The following ADAM12 variants were observed in gnomAD, a reference collection of about 807,000 sequenced individuals.
The protein encoded by ADAM12 is disintegrin and metalloproteinase domain-containing protein 12.
A neutral mutation model predicts 106.4 loss-of-function variants in ADAM12; 70 were observed. The ratio of observed to expected loss-of-function variants is 0.66; its 90% CI spans 0.54 to 0.80. The LOEUF (loss-of-function observed/expected upper bound fraction) is 0.80. ADAM12 is among the 30% of genes least tolerant of loss of function. ADAM12 has a pLI of 0.00. For missense variants in ADAM12, 1,010 were observed against 1,171.9 expected, an observed-to-expected ratio of 0.86 and a Z score of 2.02; for synonymous variants, 420 against 433.5, an observed-to-expected ratio of 0.97 and a Z score of 0.39.
chr10:126,143,894 G>C (rs1314116784), intron 4 of ADAM12, among the ~76,000 whole-genome samples: 2 of 152,128 alleles, frequency 1.3e-5, no homozygotes, highest in African/African-American at 4.8e-5. Context: ...ACTAAAACAA[G>C]GTGACAATGC....
intron 3 of ADAM12, among the ~76,000 whole-genome samples, chr10:126,251,534 T>TGG (rs1958751019): frequency 7.5e-4 from 24 of 31,846 alleles, no homozygotes; most frequent in African/African-American, 1.2e-3. Context: ...ACAGGATGGA[T>TGG]AGATGGATGG....
At chr10:126,116,902 G>A in intron 6 of ADAM12, among the ~76,000 whole-genome samples, 1 of 152,120 alleles carries the variant, frequency 6.6e-6, no homozygotes, top group Non-Finnish European at 1.5e-5. Flanking sequence ...AAATGATTTA[G>A]AATGAACCAA....
In ADAM12 at chr10:126,016,525, A is replaced by G. The variant is rs553107007; in HGVS notation, c.*754T>C. 1.3e-5 allele frequency: 2 copies of G among 152,334 alleles called. No individual in the cohort carries two copies. The highest frequency in any genetic ancestry group is 4.8e-5 in the African/African-American group (2 of 41,574). 9.4% of individuals were successfully genotyped at this position (152,334 alleles called of 1,614,324 possible). ...AGAAAAAGAAGTGCTTGGCATTTCT[A>G]TCAAGCACCGCCTTGAGTGACACTA... On this transcript the variant is annotated 3_prime_UTR_variant, in exon 23 of 23. Transcript: ENST00000448723.
At chr10:126,063,241 A>G (rs181575229) in intron 14 of ADAM12, among the ~76,000 whole-genome samples, 5 of 152,330 alleles carry the variant, frequency 3.3e-5, no homozygotes, top group Non-Finnish European at 5.9e-5. Context: ...GCCGAGCTAA[A>G]GAGGCCTGCG....
rs555349806 is a variant in ADAM12, at chr10:126,252,123, TG to T, written c.260+26791del. Among the ~76,000 whole-genome samples the T allele has an allele frequency of 1.4e-4, 21 of 148,814 alleles. No individual in the cohort carries two copies. The East Asian group carries it at 3.8e-3, about 27-fold the overall frequency. On this transcript the variant is annotated intron_variant, in intron 3 of 22. Transcript: ENST00000448723. ...GGATTGGATGGATGGATGGGATGGA[TG>T]GATGGATGGACAGGATGGATGGGTG... is the stretch of plus-strand genomic sequence containing the variant.
intron 3 of ADAM12, among the ~76,000 whole-genome samples, chr10:126,256,087 G>A (rs1958887103): frequency 6.6e-6 from 1 of 152,034 alleles, no homozygotes; most frequent in Non-Finnish European, 1.5e-5. Context: ...AGATCACCTG[G>A]GACACTTAAG....
chr10:126,086,651 CAAAAAAAAAAAAA>C (rs1171936921), intron 11 of ADAM12, among the ~76,000 whole-genome samples: 2 of 16,932 alleles, frequency 1.2e-4, no homozygotes, highest in East Asian at 2.7e-3. Context: ...GACTCTGCCT[CAAAAAAAAAAAAA>C]AAAAAAAAAA....
chr10:126,358,317 CCT>C (rs1855620963), intron 1 of ADAM12, among the ~76,000 whole-genome samples: 1 of 152,070 alleles, frequency 6.6e-6, no homozygotes, highest in African/African-American at 2.4e-5. Flanking sequence ...GGGATTTATC[CCT>C]GAGATGGAAG....
At chr10:126,168,337 T>C (rs1345748825) in intron 3 of ADAM12, among the ~76,000 whole-genome samples, 3 of 152,230 alleles carry the variant, frequency 2.0e-5, no homozygotes, top group Admixed American at 1.3e-4. Context: ...AATCTCATTC[T>C]GCCATTTTCT....
rs983513059 is a variant in ADAM12, at chr10:126,330,562, G to A, written c.89-53C>T. The A allele has an allele frequency of 2.7e-5, 40 of 1,481,212 alleles. 1 individual carries two copies. The African/African-American group carries it at 4.5e-4, about 17-fold the overall frequency. 91.8% of individuals were successfully genotyped at this position (1,481,212 alleles called of 1,614,324 possible). ...TTTCACTCTAGTCAGGAAGAGTTTG[G>A]CATCAGAAGCTTATTACATAAATGA... On this transcript the variant is annotated intron_variant, in intron 1 of 22. Transcript: ENST00000448723.
chr10:126,191,785 A>G (rs910895446), intron 3 of ADAM12, among the ~76,000 whole-genome samples: 8 of 152,224 alleles, frequency 5.3e-5, no homozygotes, highest in African/African-American at 1.9e-4. Context: ...TAGCTCTATT[A>G]GTCCACTCTC....
intron 3 of ADAM12, among the ~76,000 whole-genome samples, chr10:126,277,113 G>GA (rs1057054039): frequency 7.9e-5 from 12 of 151,908 alleles, no homozygotes; most frequent in South Asian, 4.2e-4. Context: ...TTATTTATAA[G>GA]AAAAAAAATC....
intron 1 of ADAM12, among the ~76,000 whole-genome samples, chr10:126,383,365 G>A (rs1327135076): frequency 1.3e-5 from 2 of 152,124 alleles, no homozygotes; most frequent in African/African-American, 2.4e-5. Flanking sequence ...AAAATTAAAG[G>A]ATGTTTTCAG....
chr10:126,228,918 TA>T (rs1434819844), intron 3 of ADAM12, among the ~76,000 whole-genome samples: 3 of 152,082 alleles, frequency 2.0e-5, no homozygotes, highest in African/African-American at 2.4e-5. Flanking sequence ...AGATTAAGGT[TA>T]AAAAAAATTC....
Position 126,155,800 on chromosome 10 carries a change from G to A in ADAM12, c.261-495C>T, listed in dbSNP as rs113463123. Among the ~76,000 whole-genome samples the A allele has an allele frequency of 2.5e-3, 380 of 152,266 alleles. 1 individual carries two copies. The highest frequency in any genetic ancestry group is 8.1e-3 in the African/African-American group (338 of 41,542). On this transcript the variant is annotated intron_variant, in intron 3 of 22. Coordinates refer to ENST00000448723, the MANE Select transcript of ADAM12 (RefSeq NM_001288973.2). Reference sequence around the variant, plus strand: ...TGGCTCCCCCGCAGGTGAGAGAACCGGCTGAAAATATTGAAATGTCACAGA... The same window carrying A: ...TGGCTCCCCCGCAGGTGAGAGAACCAGCTGAAAATATTGAAATGTCACAGA...
chr10:126,095,805 T>C (rs1053463562), intron 10 of ADAM12, among the ~76,000 whole-genome samples: 42 of 152,272 alleles, frequency 2.8e-4, no homozygotes, highest in Admixed American at 5.2e-4. Context: ...TCTCAGCCTC[T>C]GTAACTGTAA....
chr10:126,049,850 CTT>C lies in ADAM12; in HGVS notation c.1610-183_1610-182del, dbSNP rs1231028815. On this transcript the variant is annotated intron_variant, in intron 14 of 22. Coordinates refer to ENST00000448723, the MANE Select transcript of ADAM12 (RefSeq NM_001288973.2). The surrounding 1 kb of genome is among the most constrained non-coding windows in gnomAD (Gnocchi z 4.4). ...AGGGTGTCAGCAGCTCGCATCCTCT[CTT>C]GACTCGGCCTCTGGCAGAGCACATG... is the stretch of plus-strand genomic sequence containing the variant. 2.0e-5 allele frequency among the ~76,000 whole-genome samples: 3 copies of C among 152,306 alleles called. No homozygotes were observed. The highest frequency in any genetic ancestry group is 2.1e-4 in the South Asian group (1 of 4,826).
At chr10:126,123,951 G>T (rs1956157076) in intron 5 of ADAM12, among the ~76,000 whole-genome samples, 1 of 152,146 alleles carries the variant, frequency 6.6e-6, no homozygotes, top group Non-Finnish European at 1.5e-5. Context: ...TTTATTAGTT[G>T]ATTATTTTAG....
intron 5 of ADAM12, among the ~76,000 whole-genome samples, chr10:126,132,537 C>A (rs938595933): frequency 1.5e-5 from 1 of 66,686 alleles, no homozygotes; most frequent in Admixed American, 1.7e-4. Context: ...CCCCCCCCCT[C>A]AACTAGTCCA....
Sources: gnomAD v4.1 joint callset for allele counts (sites outside exome capture counted in the v4.1 genomes callset) on GRCh38, gnomAD v4.1.1 for gene constraint, Gnocchi (gnomAD v3.1) non-coding constraint, MANE v1.5 for transcripts, NCBI Gene and HGNC (gene_info 2026-07-23, HGNC 2026-07-21) for gene names.